PLCB1: variants seen among roughly 807,000 people sequenced by gnomAD.
The protein encoded by PLCB1 is 1-phosphatidylinositol 4,5-bisphosphate phosphodiesterase beta-1.
Under a neutral mutation model 161.8 loss-of-function variants are expected in PLCB1, and 46 were observed. The ratio of observed to expected loss-of-function variants is 0.28; its 90% CI spans 0.22 to 0.36. The LOEUF (loss-of-function observed/expected upper bound fraction) is 0.36, where lower values mean the gene tolerates loss of function less well. Among genes scored for constraint, PLCB1 ranks in the 10% least tolerant of loss-of-function variants. The pLI is 1.00. For missense variants in PLCB1, 1,016 were observed against 1,472.5 expected (o/e 0.69, Z 5.07); for synonymous variants, 517 against 503.7 (o/e 1.03, Z -0.35).
intron 2 of PLCB1, among the ~76,000 whole-genome samples, chr20:8,293,784 C>T (rs1983498231): frequency 6.6e-6 from 1 of 152,032 alleles, no homozygotes; most frequent in Non-Finnish European, 1.5e-5. Context: ...GCTACGGAAA[C>T]ATTCAGTAGA....
rs1452131461 is a variant in PLCB1 at position 8,884,155 on chromosome 20, T to C, written c.*2306T>C. 1 of 152,572 alleles carries C rather than the reference T, an allele frequency of 6.6e-6. No individual in the cohort carries two copies. Among genetic ancestry groups the C allele is most frequent in the Non-Finnish European group, 1.5e-5 (1 of 68,032 alleles). 9.5% of individuals were successfully genotyped at this position (152,572 alleles called of 1,614,324 possible). A position where few individuals can be genotyped will look rare whatever the true frequency, so the allele number is the denominator to read the frequency against. Reference sequence around the variant, plus strand: ...GCCATTTACTGTAATCACATTTTTATATCTGTACAATGACACTTTTTGCAG... The same window carrying C: ...GCCATTTACTGTAATCACATTTTTACATCTGTACAATGACACTTTTTGCAG... On this transcript the variant is annotated 3_prime_UTR_variant, in exon 32 of 32. Transcript: ENST00000338037.
At chr20:8,297,508 T>A (rs928439264) in intron 2 of PLCB1, among the ~76,000 whole-genome samples, 2 of 152,156 alleles carry the variant, frequency 1.3e-5, no homozygotes, top group African/African-American at 4.8e-5. Context: ...GCCTCTTTGT[T>A]TATTGATAAA....
chr20:8,625,653 G>A (rs564319004), intron 3 of PLCB1, among the ~76,000 whole-genome samples: 14 of 152,188 alleles, frequency 9.2e-5, no homozygotes, highest in African/African-American at 2.9e-4. Context: ...AAATATTGTG[G>A]TTTCTTCTGA....
intron 23 of PLCB1, among the ~76,000 whole-genome samples, chr20:8,748,452 A>G (rs944517841): frequency 6.6e-6 from 1 of 152,234 alleles, no homozygotes; most frequent in African/African-American, 2.4e-5. Flanking sequence ...GATTGGTTCA[A>G]TTCAGCTGCT....
rs117306257 is a variant in PLCB1 at position 8,314,545 on chromosome 20, C to T, written c.178-56837C>T. Among the ~76,000 whole-genome samples the T allele has an allele frequency of 8.2e-4, 125 of 152,274 alleles. 5 individuals are homozygous for T. The East Asian group carries it at 0.023, about 28-fold the overall frequency. ...CTGTGACTTTAGGCAAGCTATATAA[C>T]CTTTGTCTGCCTCAGTTTCCCTATG... On this transcript the variant is annotated intron_variant, in intron 2 of 31. Coordinates refer to ENST00000338037, the MANE Select transcript of PLCB1 (RefSeq NM_015192.4).
intron 2 of PLCB1, among the ~76,000 whole-genome samples, chr20:8,368,298 C>T (rs1986783107): frequency 6.6e-6 from 1 of 151,890 alleles, no homozygotes; most frequent in African/African-American, 2.4e-5. Flanking sequence ...GAGCCCGAGG[C>T]GAGTGGATCA....
intron 11 of PLCB1, 90 bp downstream of exon 11, chr20:8,697,873 C>G: frequency 8.5e-7 from 1 of 1,172,972 alleles, no homozygotes; most frequent in African/African-American, 1.5e-5. Context: ...TCCCAGTGGT[C>G]ACAATTAAGT....
chr20:8,633,534 G>C (rs1223862522), intron 4 of PLCB1, among the ~76,000 whole-genome samples: 1 of 152,066 alleles, frequency 6.6e-6, no homozygotes, highest in Non-Finnish European at 1.5e-5. Context: ...AGTGACTGTA[G>C]ATAGAGATGT....
intron 31 of PLCB1, among the ~76,000 whole-genome samples, chr20:8,877,791 A>G (rs1987832580): frequency 6.6e-6 from 1 of 152,228 alleles, no homozygotes; most frequent in African/African-American, 2.4e-5. Context: ...CAATTTTGAA[A>G]TTAGTTCATT....
intron 3 of PLCB1, among the ~76,000 whole-genome samples, chr20:8,481,410 A>G (rs556153442): frequency 1.3e-5 from 2 of 152,214 alleles, no homozygotes; most frequent in South Asian, 4.1e-4. Flanking sequence ...AGGAATATTG[A>G]TATTTAATAC....
intron 2 of PLCB1, among the ~76,000 whole-genome samples, chr20:8,278,974 T>C (rs56073306): frequency 0.053 from 3,385 of 64,280 alleles, 103 homozygotes; most frequent in African/African-American, 0.24. Flanking sequence ...TATACAGTGT[T>C]TTTTAAAAAA....
intron 3 of PLCB1, among the ~76,000 whole-genome samples, chr20:8,557,817 G>A (rs569040104): frequency 9.2e-5 from 14 of 151,980 alleles, no homozygotes; most frequent in Admixed American, 3.3e-4. Flanking sequence ...GCAAGAATCT[G>A]GTTTCTGGAG....
rs188287061 is a variant in PLCB1 at position 8,395,238 on chromosome 20, C to T, written c.246+23788C>T. Among the ~76,000 whole-genome samples, 5 of 152,076 alleles carry T rather than the reference C, an allele frequency of 3.3e-5. No homozygotes were observed. The East Asian group carries it at 5.8e-4, about 18-fold the overall frequency. ...TTTGCCATAGATAAATCTCTACTGTCGAAAGCAGTAGTTAATGAGACATTT... is the reference window on the plus strand; with the variant it reads ...TTTGCCATAGATAAATCTCTACTGTTGAAAGCAGTAGTTAATGAGACATTT... On this transcript the variant is annotated intron_variant, in intron 3 of 31. Transcript: ENST00000338037.
At chr20:8,255,177 A>G (rs1006580878) in intron 2 of PLCB1, among the ~76,000 whole-genome samples, 1 of 152,116 alleles carries the variant, frequency 6.6e-6, no homozygotes, top group African/African-American at 2.4e-5. Flanking sequence ...CGGGTAGGTT[A>G]TGACATCAGT....
intron 2 of PLCB1, among the ~76,000 whole-genome samples, chr20:8,313,141 G>T (rs890498124): frequency 4.6e-5 from 7 of 152,030 alleles, no homozygotes; most frequent in Non-Finnish European, 7.4e-5. Flanking sequence ...TAATATAATG[G>T]GATGCAATAG....
In PLCB1 at chr20:8,526,069, A is replaced by G. The variant is rs569694330; in HGVS notation, c.247-102225A>G. Among the ~76,000 whole-genome samples, 11 of 152,230 alleles carry G rather than the reference A, an allele frequency of 7.2e-5. 1 individual carries two copies. In the South Asian group the frequency reaches 2.3e-3, roughly 32 times the overall value. ...GAGTGGCTTATGAAACACACTAAAT[A>G]TCCTATATCATGATCAGCGGTGGAG... On this transcript the variant is annotated intron_variant, in intron 3 of 31. Transcript: ENST00000338037.
chr20:8,215,446 A>G (rs1979069099), intron 2 of PLCB1, among the ~76,000 whole-genome samples: 1 of 152,058 alleles, frequency 6.6e-6, no homozygotes, highest in African/African-American at 2.4e-5. Flanking sequence ...GCCAGAGGAC[A>G]GCTTTGAATT....
At chr20:8,228,309 C>G (rs1024865151) in intron 2 of PLCB1, among the ~76,000 whole-genome samples, 1 of 152,172 alleles carries the variant, frequency 6.6e-6, no homozygotes, top group African/African-American at 2.4e-5. Flanking sequence ...TCCCCACTAT[C>G]TCATACACCC....
intron 3 of PLCB1, among the ~76,000 whole-genome samples, chr20:8,562,337 G>A (rs34058715): frequency 0.29 from 43,970 of 151,952 alleles, 7,289 homozygotes; most frequent in Non-Finnish European, 0.37. Context: ...GCTGCTCAGC[G>A]GTCCTAATGT....
Sources: gnomAD v4.1 joint callset for allele counts (sites outside exome capture counted in the v4.1 genomes callset) on GRCh38, gnomAD v4.1.1 for gene constraint, MANE v1.5 for transcripts, NCBI Gene and HGNC (gene_info 2026-07-23, HGNC 2026-07-21) for gene names.